NDC1: variants seen among roughly 807,000 people sequenced by gnomAD.
NDC1 encodes NDC1 transmembrane nucleoporin.
A neutral mutation model predicts 89.8 loss-of-function variants in NDC1; 24 were observed. That is an observed-to-expected ratio of 0.27 (90% CI 0.19 to 0.38). The LOEUF is 0.38. Ranked by LOEUF, NDC1 falls within the 10% of genes least tolerant of loss-of-function variation. The probability of loss-of-function intolerance (pLI) is 1.00; values close to 1 mark genes in which losing one functional copy is unlikely to be tolerated. For synonymous variants in NDC1, 296 were observed against 284.8 expected (o/e 1.04, Z -0.39); for missense variants, 728 against 797.6 (o/e 0.91, Z 1.05).
At chr1:53,805,536 T>C (rs1433531599) in intron 9 of NDC1, among the ~76,000 whole-genome samples, 2 of 152,178 alleles carry the variant, frequency 1.3e-5, no homozygotes, top group African/African-American at 2.4e-5. Context: ...TCACACATAC[T>C]GTAGATCTAG....
chr1:53,830,915 T>C (rs891808008), intron 3 of NDC1, among the ~76,000 whole-genome samples: 6 of 146,948 alleles, frequency 4.1e-5, no homozygotes, highest in Non-Finnish European at 6.0e-5. Flanking sequence ...ACCGCATCTG[T>C]TTCTCTCAAA....
chr1:53,774,945 G>T (rs1557563544), intron 16 of NDC1, among the ~76,000 whole-genome samples: 3 of 151,882 alleles, frequency 2.0e-5, no homozygotes, highest in Non-Finnish European at 4.4e-5. Context: ...TATAAACACG[G>T]CAAATCCAAA....
intron 13 of NDC1, among the ~76,000 whole-genome samples, chr1:53,795,174 C>A (rs1344684888): frequency 6.6e-6 from 1 of 152,106 alleles, no homozygotes; most frequent in East Asian, 1.9e-4. Flanking sequence ...GAAACTCTTT[C>A]TTTTCTTGGA....
At chr1:53,768,307 C>A (rs184368506) in intron 17 of NDC1, among the ~76,000 whole-genome samples, 90 of 152,310 alleles carry the variant, frequency 5.9e-4, no homozygotes, top group African/African-American at 2.0e-3. Flanking sequence ...TGCTATGGAA[C>A]CTGCTGTGCG....
Position 53,766,556 on chromosome 1 carries a change from A to G in NDC1, c.*1414T>C, listed in dbSNP as rs1647067332. ...AGTCTACATATCTAAACACTTGACAATTGGGGAACTGTCCCACAGTGATAT... is the reference window on the plus strand; with the variant it reads ...AGTCTACATATCTAAACACTTGACAGTTGGGGAACTGTCCCACAGTGATAT... On this transcript the variant is annotated 3_prime_UTR_variant, in exon 18 of 18. Coordinates refer to ENST00000371429, the MANE Select transcript of NDC1 (RefSeq NM_018087.5). 1 of 152,232 alleles carries G rather than the reference A, an allele frequency of 6.6e-6. No individual in the cohort carries two copies. Among genetic ancestry groups the G allele is most frequent in the South Asian group, 2.1e-4 (1 of 4,832 alleles). 9.4% of individuals were successfully genotyped at this position (152,232 alleles called of 1,614,324 possible).
intron 3 of NDC1, among the ~76,000 whole-genome samples, chr1:53,832,281 TATA>T (rs1158770928): frequency 2.6e-5 from 4 of 152,310 alleles, no homozygotes; most frequent in South Asian, 2.1e-4. Flanking sequence ...AGTAGAATCA[TATA>T]ATATTTGTCC....
intron 17 of NDC1, among the ~76,000 whole-genome samples, chr1:53,768,527 G>A (rs999009168): frequency 6.6e-6 from 1 of 152,100 alleles, no homozygotes; most frequent in African/African-American, 2.4e-5. Flanking sequence ...TTGAACATAA[G>A]TTATGTTTTG....
At position 53,818,430 on chromosome 1, in the gene NDC1, CA is replaced by C. The variant is rs34211832; in HGVS notation, c.703+540del. On this transcript the variant is annotated intron_variant, in intron 6 of 17. Coordinates refer to ENST00000371429, the MANE Select transcript of NDC1 (RefSeq NM_018087.5). Reference sequence around the variant, plus strand: ...CGCTCCAGCCTGGGTGACAGATCATCAAAAAAAAAAAAAAATTTACCATTTT... The same window carrying C: ...CGCTCCAGCCTGGGTGACAGATCATCAAAAAAAAAAAAAATTTACCATTTT... Among the ~76,000 whole-genome samples the C allele has an allele frequency of 3.3e-3, 439 of 132,256 alleles. 1 individual carries two copies. The highest frequency in any genetic ancestry group is 2.8e-3 in the Non-Finnish European group (169 of 61,236). The allele number at this position is 132,256 out of a possible 152,430, so 86.8% of individuals were successfully genotyped here. A position where few individuals can be genotyped will look rare whatever the true frequency, so the allele number is the denominator to read the frequency against.
rs1283440304 is a variant in NDC1 at position 53,765,805 on chromosome 1, A to G, written c.*2165T>C. 1.3e-5 allele frequency: 2 copies of G among 152,208 alleles called. No homozygotes were observed. Among genetic ancestry groups the G allele is most frequent in the Non-Finnish European group, 2.9e-5 (2 of 68,038 alleles). The allele number at this position is 152,208 out of a possible 1,614,324, so 9.4% of individuals were successfully genotyped here. On this transcript the variant is annotated 3_prime_UTR_variant, in exon 18 of 18. Transcript: ENST00000371429. ...TTTAAAGAACACTCTCTTTCAGGCC[A>G]ATGTTACAGCATTAGTGGGCTCATA...
At chr1:53,828,243 C>T in intron 3 of NDC1, 70 bp from the exon 4 acceptor site, 1 of 1,350,596 alleles carries the variant, frequency 7.4e-7, no homozygotes. Flanking sequence ...TAAACTATCC[C>T]CTCTCATCCT....
At chr1:53,830,901 T>C (rs938044077) in intron 3 of NDC1, among the ~76,000 whole-genome samples, 1 of 149,324 alleles carries the variant, frequency 6.7e-6, no homozygotes, top group Non-Finnish European at 1.5e-5. Flanking sequence ...TATTCTATGA[T>C]CCTACCGCAT....
At chr1:53,827,614 C>T (rs1193765136) in intron 4 of NDC1, among the ~76,000 whole-genome samples, 1 of 152,112 alleles carries the variant, frequency 6.6e-6, no homozygotes, top group Non-Finnish European at 1.5e-5. Flanking sequence ...CTTCAAACTC[C>T]AACCAAATGC....
chr1:53,824,217 G>C (rs570461150), intron 5 of NDC1, among the ~76,000 whole-genome samples: 4 of 140,860 alleles, frequency 2.8e-5, no homozygotes, highest in Non-Finnish European at 4.5e-5. Context: ...CTGAGTGACA[G>C]AGCAAGAACC....
At chr1:53,774,563 T>C (rs553401033) in intron 16 of NDC1, among the ~76,000 whole-genome samples, 1 of 152,280 alleles carries the variant, frequency 6.6e-6, no homozygotes, top group South Asian at 2.1e-4. Context: ...AATTTACAGA[T>C]GACAAGGTAA....
chr1:53,831,567 G>A lies in NDC1; in HGVS notation c.280+923C>T, dbSNP rs1000815196. Among the ~76,000 whole-genome samples, 7 of 151,876 alleles carry A rather than the reference G, an allele frequency of 4.6e-5. No individual in the cohort carries two copies. The South Asian group carries it at 1.2e-3, about 27-fold the overall frequency. On this transcript the variant is annotated intron_variant, in intron 3 of 17. Coordinates refer to ENST00000371429, the MANE Select transcript of NDC1 (RefSeq NM_018087.5). ...GCGTGCCTGTAATCCCAGCTACTCC[G>A]GAGGCTGAGGCAGGAGAATCACTTG...
Position 53,797,123 on chromosome 1 carries a change from G to C in NDC1, c.1244C>G (p.Pro415Arg). ...NSPEETAFQT[P>R]KSSQMPRPSV... The stretch of plus-strand genomic sequence containing the variant: ...AGGCCGAGGCATCTGGCTAGATTTT[G>C]GTGTCTGAAAAGCAGTTTCTTCTGT... Residue 415 changes from proline to arginine, a missense_variant, in exon 12 of 18, where the codon CCA (proline) becomes CGA (arginine). Coordinates refer to ENST00000371429, the MANE Select transcript of NDC1 (RefSeq NM_018087.5). 6.2e-7 allele frequency: 1 copy of C among 1,614,056 alleles called. No individual in the cohort carries two copies.
rs1647124836 is a variant in NDC1, at chr1:53,772,607, T to C, written c.1801-118A>G. The C allele has an allele frequency of 1.4e-5, 12 of 836,990 alleles. No homozygotes were observed. In the South Asian group the frequency reaches 2.2e-4, roughly 16 times the overall value. 51.8% of individuals were successfully genotyped at this position (836,990 alleles called of 1,614,324 possible). ...GGAAGGACGAGGCGGGAGGACTGCT[T>C]GAGCCCAGGAGTTCCACTGTACTCC... is the stretch of plus-strand genomic sequence containing the variant. On this transcript the variant is annotated intron_variant, in intron 16 of 17. Coordinates refer to ENST00000371429, the MANE Select transcript of NDC1 (RefSeq NM_018087.5).
At chr1:53,832,128 C>T (rs1649087344) in intron 3 of NDC1, among the ~76,000 whole-genome samples, 1 of 152,098 alleles carries the variant, frequency 6.6e-6, no homozygotes, top group African/African-American at 2.4e-5. Context: ...ATAACCACTA[C>T]CACCATCCAG....
chr1:53,790,699 T>G lies in NDC1; in HGVS notation c.1636-1503A>C, dbSNP rs1021051462. Among the ~76,000 whole-genome samples, 11 of 152,116 alleles carry G rather than the reference T, an allele frequency of 7.2e-5. No individual in the cohort carries two copies. In the Middle Eastern group the frequency reaches 9.5e-3, roughly 131 times the overall value. ...TCCAGCCTGGGCGACAGAGCAAGAC[T>G]TCGTCTCAAATAAATAAATAAACAA... is the stretch of plus-strand genomic sequence containing the variant. On this transcript the variant is annotated intron_variant, in intron 14 of 17. Coordinates refer to ENST00000371429, the MANE Select transcript of NDC1 (RefSeq NM_018087.5).
Sources: gnomAD v4.1 joint callset for allele counts (sites outside exome capture counted in the v4.1 genomes callset) on GRCh38, gnomAD v4.1.1 for gene constraint, MANE v1.5 for transcripts, NCBI Gene and HGNC (gene_info 2026-07-23, HGNC 2026-07-21) for gene names.